The following C2orf42 variants were observed in gnomAD, a reference collection of about 807,000 sequenced individuals.
The protein encoded by C2orf42 is chromosome 2 open reading frame 42.
A neutral mutation model predicts 58.9 loss-of-function variants in C2orf42; 44 were observed. That is an observed-to-expected ratio of 0.75 (90% confidence interval 0.59 to 0.96). C2orf42 has a LOEUF of 0.96. Ranked by LOEUF, C2orf42 falls within the 40% of genes least tolerant of loss-of-function variation. The pLI is 0.00. For synonymous variants in C2orf42, 239 were observed against 265.4 expected (o/e 0.90, Z 0.97); for missense variants, 630 against 699.2 (o/e 0.90, Z 1.12).
intron 5 of C2orf42, among the ~76,000 whole-genome samples, chr2:70,174,676 T>C (rs915773549): frequency 6.6e-6 from 1 of 151,858 alleles, no homozygotes; most frequent in Non-Finnish European, 1.5e-5. Context: ...ACCCCCTCTT[T>C]CTTTTTTTTT....
intron 1 of C2orf42, 65 bp from the exon 2 acceptor site, chr2:70,183,000 TCAAA>T (rs1480233423): frequency 4.6e-5 from 7 of 152,154 alleles, no homozygotes; most frequent in African/African-American, 1.7e-4. Flanking sequence ...TCGTTAGAAA[TCAAA>T]CAGAATAGGA....
chr2:70,156,885 T>TA (rs1332992090), intron 9 of C2orf42, among the ~76,000 whole-genome samples: 1 of 151,526 alleles, frequency 6.6e-6, no homozygotes, highest in Non-Finnish European at 1.5e-5. Context: ...GAGTAAAATT[T>TA]AAAAAATTAA....
At chr2:70,162,019 CT>C (rs1226508775) in intron 8 of C2orf42, among the ~76,000 whole-genome samples, 2 of 149,894 alleles carry the variant, frequency 1.3e-5, no homozygotes, top group African/African-American at 2.4e-5. Context: ...TTCTTTTTTT[CT>C]TTTTTTTTGG....
chr2:70,182,001 C>A lies in C2orf42; in HGVS notation c.-12-4G>T, dbSNP rs77615100. 1 of 1,407,956 alleles carries A rather than the reference C, an allele frequency of 7.1e-7. No homozygotes were observed. Among genetic ancestry groups the A allele is most frequent in the South Asian group, 1.2e-5 (1 of 85,116 alleles). The allele number at this position is 1,407,956 out of a possible 1,614,324, so 87.2% of individuals were successfully genotyped here. A position where few individuals can be genotyped will look rare whatever the true frequency, so the allele number is the denominator to read the frequency against. On this transcript the variant is annotated splice_region_variant and splice_polypyrimidine_tract_variant and intron_variant, in intron 2 of 9. Transcript: ENST00000264434. ...TTGGTTCCATTTTTCAGAGGCCCTA[C>A]AAAAGACAATACATCCAACAGTATG... is the stretch of plus-strand genomic sequence containing the variant.
chr2:70,156,037 C>T (rs1230299904), intron 9 of C2orf42, among the ~76,000 whole-genome samples: 2 of 151,848 alleles, frequency 1.3e-5, no homozygotes, highest in African/African-American at 2.4e-5. Context: ...TGCCTGTAAT[C>T]CCAGCTGTTT....
chr2:70,167,300 G>C (rs1461393622), intron 6 of C2orf42, among the ~76,000 whole-genome samples: 2 of 151,872 alleles, frequency 1.3e-5, no homozygotes, highest in East Asian at 1.9e-4. Context: ...GGAGGTTGCA[G>C]TGAGCCAAGA....
chr2:70,185,953 C>A (rs1164255699), intron 1 of C2orf42, among the ~76,000 whole-genome samples: 1 of 146,814 alleles, frequency 6.8e-6, no homozygotes, highest in Non-Finnish European at 1.5e-5. Context: ...TCCCTGGTTT[C>A]TACCCACTAG....
intron 2 of C2orf42, 46 bp from the exon 3 acceptor site, chr2:70,182,043 C>A: frequency 1.2e-6 from 1 of 846,562 alleles, no homozygotes; most frequent in Non-Finnish European, 1.9e-6. Context: ...CCTTCACACA[C>A]AAAAAGTTAA....
At chr2:70,182,504 A>G (rs1312388033) in intron 2 of C2orf42, 163 bp downstream of exon 2, 1 of 153,638 alleles carries the variant, frequency 6.5e-6, no homozygotes, top group African/African-American at 2.4e-5. Context: ...AATCCTAATA[A>G]TCAAAGCATT....
chr2:70,177,916 T>C (rs1209373708), intron 4 of C2orf42, among the ~76,000 whole-genome samples: 1 of 152,294 alleles, frequency 6.6e-6, no homozygotes, highest in Non-Finnish European at 1.5e-5. Context: ...GGCTTGTGCC[T>C]GTAGTCCCAG....
At position 70,181,824 on chromosome 2, in the gene C2orf42, A is replaced by AC; in HGVS notation, c.161dup (p.Ala55CysfsTer6). The AC allele has an allele frequency of 6.2e-7, 1 of 1,614,154 alleles. No individual in the cohort carries two copies. Among genetic ancestry groups the AC allele is most frequent in the Non-Finnish European group, 8.5e-7 (1 of 1,180,028 alleles). On this transcript the variant is annotated frameshift_variant, in exon 3 of 10. Transcript: ENST00000264434. LOFTEE classifies it high-confidence loss of function. ...CTTCAACACTAGGCTGCTTGCGTGCACCGTAGCGGAATATGGTTCCACATG... is the reference window on the plus strand; with the variant it reads ...CTTCAACACTAGGCTGCTTGCGTGCACCCGTAGCGGAATATGGTTCCACATG...
At chr2:70,166,503 TAAAA>T (rs758706026) in intron 6 of C2orf42, among the ~76,000 whole-genome samples, 2 of 93,110 alleles carry the variant, frequency 2.1e-5, no homozygotes, top group Admixed American at 1.1e-4. Flanking sequence ...CCATCTCTAC[TAAAA>T]AAAAAAAAAA....
In C2orf42 at chr2:70,150,042, G is replaced by A; in HGVS notation, c.*314C>T. Reference sequence around the variant, plus strand: ...GTGCTGCAGATTTCTCAGAGAATTAGCAAAAGGTTGAAATAAACGCTAAAG... The same window carrying A: ...GTGCTGCAGATTTCTCAGAGAATTAACAAAAGGTTGAAATAAACGCTAAAG... On this transcript the variant is annotated 3_prime_UTR_variant, in exon 10 of 10. Coordinates refer to ENST00000264434, the MANE Select transcript of C2orf42 (RefSeq NM_017880.3). 2 of 369,384 alleles carry A rather than the reference G, an allele frequency of 5.4e-6. No homozygotes were observed. Among genetic ancestry groups the A allele is most frequent in the South Asian group, 2.6e-5 (1 of 38,312 alleles). The allele number at this position is 369,384 out of a possible 1,614,324, so 22.9% of individuals were successfully genotyped here. A position where few individuals can be genotyped will look rare whatever the true frequency, so the allele number is the denominator to read the frequency against.
intron 5 of C2orf42, among the ~76,000 whole-genome samples, chr2:70,170,725 G>T (rs915136053): frequency 1.3e-5 from 2 of 150,046 alleles, no homozygotes; most frequent in African/African-American, 4.9e-5. Flanking sequence ...CAGCACTCCA[G>T]CCTGGGCAAG....
At chr2:70,163,428 G>T (rs540544863) in intron 8 of C2orf42, among the ~76,000 whole-genome samples, 77 of 151,516 alleles carry the variant, frequency 5.1e-4, no homozygotes, top group Non-Finnish European at 9.0e-4. Flanking sequence ...TGTATTTTTA[G>T]TAGAGACGGG....
chr2:70,150,127 C>T lies in C2orf42; in HGVS notation c.*229G>A. Reference sequence around the variant, plus strand: ...TTTCTGTTCCTTTTAAAACTCTAGCCAGAAATACTGCCCAATGCATAATGA... The same window carrying T: ...TTTCTGTTCCTTTTAAAACTCTAGCTAGAAATACTGCCCAATGCATAATGA... On this transcript the variant is annotated 3_prime_UTR_variant, in exon 10 of 10. Coordinates refer to ENST00000264434, the MANE Select transcript of C2orf42 (RefSeq NM_017880.3). The T allele has an allele frequency of 1.8e-6, 1 of 552,846 alleles. No homozygotes were observed. The highest frequency in any genetic ancestry group is 3.2e-6 in the Non-Finnish European group (1 of 310,272). 34.2% of individuals were successfully genotyped at this position (552,846 alleles called of 1,614,324 possible).
intron 1 of C2orf42, chr2:70,190,381 C>T (rs1253013682): frequency 1.3e-5 from 2 of 152,320 alleles, no homozygotes; most frequent in East Asian, 1.9e-4. Flanking sequence ...ATGATCATTA[C>T]GGATAAATAA....
chr2:70,189,644 G>T (rs1262747301), intron 1 of C2orf42, among the ~76,000 whole-genome samples: 1 of 151,410 alleles, frequency 6.6e-6, no homozygotes, highest in East Asian at 1.9e-4. Context: ...GTGAACCCTG[G>T]GGGGTGGAGC....
chr2:70,157,574 A>G (rs1466968611), intron 9 of C2orf42, among the ~76,000 whole-genome samples: 3 of 152,162 alleles, frequency 2.0e-5, no homozygotes, highest in Non-Finnish European at 4.4e-5. Context: ...AGGTGGGCGG[A>G]TCATCTGAGG....
Sources: allele counts gnomAD v4.1 joint callset (sites outside exome capture counted in the v4.1 genomes callset), GRCh38; gene constraint gnomAD v4.1.1; transcripts MANE v1.5; gene names NCBI Gene and HGNC (gene_info 2026-07-23, HGNC 2026-07-21).